The following TBX19 variants were observed in gnomAD, a reference collection of about 807,000 sequenced individuals.
The protein encoded by TBX19 is T-box transcription factor 19, also known as T-box transcription factor TBX19.
Under a neutral mutation model 40.9 loss-of-function variants are expected in TBX19, and 33 were observed. The observed-to-expected ratio is 0.81, with a 90% CI of 0.61 to 1.08. The LOEUF is 1.08. TBX19 is among the 50% of genes least tolerant of loss of function. The pLI is 0.00. For missense variants in TBX19, 494 were observed against 574.0 expected (o/e 0.86, Z 1.42); for synonymous variants, 220 against 225.0 (o/e 0.98, Z 0.20).
Position 168,312,832 on chromosome 1 carries a change from T to G in TBX19, c.1177T>G (p.Ser393Ala). 3 of 1,614,246 alleles carry G rather than the reference T, an allele frequency of 1.9e-6. No homozygotes were observed. In the South Asian group the frequency reaches 3.3e-5, roughly 18 times the overall value. Residue 393 changes from serine (S) to alanine (A), a missense_variant, in exon 8 of 8, where the codon TCT (serine) becomes GCT (alanine). Ser to Ala is a moderately conservative substitution (Grantham distance 99, BLOSUM62 1). Transcript: ENST00000367821. The part of the protein sequence containing the change: ...LGNPAVTSPP[S>A]VLSTQAPTSA... ...AAACCCAGCTGTGACTTCACCCCCT[T>G]CTGTGCTCTCCACCCAAGCACCCAC...
At chr1:168,306,626 CAAAA>C (rs56042823) in intron 6 of TBX19, among the ~76,000 whole-genome samples, 1 of 75,290 alleles carries the variant, frequency 1.3e-5, no homozygotes, top group East Asian at 5.3e-4. Flanking sequence ...GACGCCATCT[CAAAA>C]AAAAAAAAAA....
chr1:168,292,350 C>T (rs1434405746), intron 2 of TBX19, among the ~76,000 whole-genome samples: 1 of 152,196 alleles, frequency 6.6e-6, no homozygotes, highest in East Asian at 1.9e-4. Context: ...TTACACCTTT[C>T]ATTTGACTCA....
At chr1:168,297,586 A>T in intron 3 of TBX19, 138 bp from the exon 4 acceptor site, 2 of 725,720 alleles carry the variant, frequency 2.8e-6, no homozygotes, top group Non-Finnish European at 5.0e-6. Context: ...TGCTGGGATT[A>T]CAGGCATAAG....
In TBX19 at chr1:168,302,715, C is replaced by G. The variant is rs184771068; in HGVS notation, c.727+2232C>G. 1.1e-3 allele frequency among the ~76,000 whole-genome samples: 174 copies of G among 152,188 alleles called. 2 individuals carry two copies. The highest frequency in any genetic ancestry group is 8.5e-3 in the Admixed American group (130 of 15,294). On this transcript the variant is annotated intron_variant, in intron 5 of 7. Transcript: ENST00000367821. The stretch of plus-strand genomic sequence containing the variant: ...AAAACCAAAAAAAAACCCCAAAATG[C>G]TTGCTGTCAAGTTGTGCTAGGCCAG...
intron 4 of TBX19, 120 bp from the exon 5 acceptor site, chr1:168,300,302 G>C: frequency 1.1e-6 from 1 of 891,174 alleles, no homozygotes; most frequent in Non-Finnish European, 1.8e-6. Flanking sequence ...TTAGGAAAAA[G>C]GTGTTTGGTT....
At chr1:168,300,241 C>T (rs1649243335) in intron 4 of TBX19, among the ~76,000 whole-genome samples, 181 bp from the exon 5 acceptor site, 1 of 151,942 alleles carries the variant, frequency 6.6e-6, no homozygotes, top group Non-Finnish European at 1.5e-5. Context: ...AGAGCAATTG[C>T]ACAAGTAGAG....
intron 5 of TBX19, among the ~76,000 whole-genome samples, chr1:168,300,820 T>C (rs1240423684): frequency 1.3e-5 from 2 of 152,244 alleles, no homozygotes; most frequent in Non-Finnish European, 2.9e-5. Flanking sequence ...CACTCTGGTC[T>C]CTCTGTTTTG....
chr1:168,287,693 A>T (rs1295138342), intron 1 of TBX19, among the ~76,000 whole-genome samples: 1 of 152,208 alleles, frequency 6.6e-6, no homozygotes, highest in Non-Finnish European at 1.5e-5. Context: ...GAACAAGAAG[A>T]TACTGGGTCT....
At chr1:168,295,763 T>TG (rs1649088285) in intron 3 of TBX19, among the ~76,000 whole-genome samples, 2 of 151,926 alleles carry the variant, frequency 1.3e-5, no homozygotes, top group Non-Finnish European at 2.9e-5. Context: ...AACGGGGTGG[T>TG]GGGGGGTGCA....
intron 3 of TBX19, among the ~76,000 whole-genome samples, chr1:168,293,908 A>G (rs1349456272): frequency 6.6e-6 from 1 of 152,182 alleles, no homozygotes; most frequent in African/African-American, 2.4e-5. Flanking sequence ...AAACTTTAAA[A>G]AAATTTTTTA....
chr1:168,288,512 C>T (rs914727163), intron 1 of TBX19, among the ~76,000 whole-genome samples: 2 of 152,132 alleles, frequency 1.3e-5, no homozygotes, highest in African/African-American at 2.4e-5. Flanking sequence ...GCCTGGGCAA[C>T]ACAGTCACAC....
At chr1:168,293,329 C>T in intron 3 of TBX19, 51 bp downstream of exon 3, 1 of 1,345,984 alleles carries the variant, frequency 7.4e-7, no homozygotes, top group East Asian at 2.8e-5. Flanking sequence ...GTGTGTGTAA[C>T]TGTCACCTGG....
intron 1 of TBX19, among the ~76,000 whole-genome samples, chr1:168,290,054 C>T (rs758762450): frequency 3.9e-5 from 6 of 151,978 alleles, no homozygotes; most frequent in Non-Finnish European, 7.4e-5. Context: ...ATTAGCCAGG[C>T]GTGGTGGCAC....
In TBX19 at chr1:168,303,213, C is replaced by A. The variant is rs572597320; in HGVS notation, c.728-1795C>A. Among the ~76,000 whole-genome samples the A allele has an allele frequency of 2.0e-5, 3 of 152,188 alleles. 1 individual carries two copies. The South Asian group carries it at 6.2e-4, about 32-fold the overall frequency. ...CCACTCCCACTACCCCACGACAGGT[C>A]CTGGTGTGTGATGTTCCCCTTCCTG... On this transcript the variant is annotated intron_variant, in intron 5 of 7. Transcript: ENST00000367821.
At position 168,295,119 on chromosome 1, in the gene TBX19, C is replaced by T. The variant is rs191686264; in HGVS notation, c.603+1841C>T. Reference sequence around the variant, plus strand: ...CAGCCTGGCCAACCTGGTGAAACCCCGTCTCCACTAAAAATACAAAAATTA... The same window carrying T: ...CAGCCTGGCCAACCTGGTGAAACCCTGTCTCCACTAAAAATACAAAAATTA... On this transcript the variant is annotated intron_variant, in intron 3 of 7. Transcript: ENST00000367821. Among the ~76,000 whole-genome samples, 841 of 152,106 alleles carry T rather than the reference C, an allele frequency of 5.5e-3. 11 individuals carry two copies. The highest frequency in any genetic ancestry group is 0.019 in the African/African-American group (775 of 41,480).
intron 1 of TBX19, among the ~76,000 whole-genome samples, chr1:168,287,703 T>A (rs561919415): frequency 6.6e-6 from 1 of 152,222 alleles, no homozygotes; most frequent in African/African-American, 2.4e-5. Flanking sequence ...ATACTGGGTC[T>A]GCAATTTTTG....
At chr1:168,302,569 A>T (rs150211228) in intron 5 of TBX19, among the ~76,000 whole-genome samples, 107 of 152,268 alleles carry the variant, frequency 7.0e-4, no homozygotes, top group African/African-American at 2.2e-3. Flanking sequence ...CACTCGAAAT[A>T]GTCTTCTGTT....
At position 168,312,749 on chromosome 1, in the gene TBX19, G is replaced by GC. The variant is rs759654720; in HGVS notation, c.1098dup (p.Ser367GlnfsTer107). ...TGGACCATCAGCAATGGTGCCGGAG[G>GC]CCCCAGTGGGCCAGGCCCGGAGGTG... On this transcript the variant is annotated frameshift_variant, in exon 8 of 8. Coordinates refer to ENST00000367821, the MANE Select transcript of TBX19 (RefSeq NM_005149.3). LOFTEE classifies it low-confidence loss of function (END_TRUNC). 1 of 1,614,070 alleles carries GC rather than the reference G, an allele frequency of 6.2e-7. No homozygotes were observed. Among genetic ancestry groups the GC allele is most frequent in the African/African-American group, 1.3e-5 (1 of 75,064 alleles).
chr1:168,297,628 G>A (rs773404822), intron 3 of TBX19, 96 bp from the exon 4 acceptor site: 8 of 1,111,858 alleles, frequency 7.2e-6, no homozygotes, highest in Admixed American at 1.8e-5. Context: ...GGAAGGAAAA[G>A]AGAGGGAATT....
Sources: gnomAD v4.1 joint callset for allele counts (sites outside exome capture counted in the v4.1 genomes callset) on GRCh38, gnomAD v4.1.1 for gene constraint, MANE v1.5 for transcripts, NCBI Gene and HGNC (gene_info 2026-07-23, HGNC 2026-07-21) for gene names.